Variants in CDH4 observed in about 807,000 individuals in gnomAD.
CDH4 encodes the protein cadherin-4.
A neutral mutation model predicts 86.0 loss-of-function variants in CDH4; 33 were observed. The ratio of observed to expected loss-of-function variants is 0.38; its 90% CI spans 0.29 to 0.51. CDH4 has a LOEUF of 0.51. CDH4 is among the 20% of genes least tolerant of loss of function. The pLI, the probability that CDH4 is intolerant of heterozygous loss-of-function variation, is 0.86. For missense variants in CDH4, 1,114 were observed against 1,307.4 expected (o/e 0.85, Z 2.28); for synonymous variants, 555 against 549.4 (o/e 1.01, Z -0.14).
chr20:61,486,682 G>GA (rs2085598381), intron 2 of CDH4, among the ~76,000 whole-genome samples: 1 of 152,020 alleles, frequency 6.6e-6, no homozygotes, highest in South Asian at 2.1e-4. Flanking sequence ...TTGAGTCTAG[G>GA]GGTTCGAGAC....
At chr20:61,468,828 G>T (rs1028199414) in intron 2 of CDH4, among the ~76,000 whole-genome samples, 1 of 152,080 alleles carries the variant, frequency 6.6e-6, no homozygotes, top group Non-Finnish European at 1.5e-5. Flanking sequence ...TCTGTGCCTG[G>T]TTTATTTCAC....
intron 4 of CDH4, among the ~76,000 whole-genome samples, chr20:61,790,017 T>C (rs1229104067): frequency 6.6e-6 from 1 of 152,150 alleles, no homozygotes; most frequent in Non-Finnish European, 1.5e-5. Flanking sequence ...GAACAGTATA[T>C]CCACAGTCTA....
chr20:61,872,823 C>T (rs903465390), intron 6 of CDH4, among the ~76,000 whole-genome samples: 8 of 152,242 alleles, frequency 5.3e-5, no homozygotes, highest in Non-Finnish European at 1.0e-4. Flanking sequence ...GCGGGGCCTC[C>T]ACCGGGTACA....
rs2087074717 is a variant in CDH4 at position 61,647,534 on chromosome 20, C to CT, written c.170-96029_170-96028insT. On this transcript the variant is annotated intron_variant, in intron 2 of 15. Coordinates refer to ENST00000614565, the MANE Select transcript of CDH4 (RefSeq NM_001794.5). Reference sequence around the variant, plus strand: ...AGTATGCACACACATATTCTCTCTCCCTCTCCCTCTCCCTCTCCCTCTCCC... The same window carrying CT: ...AGTATGCACACACATATTCTCTCTCCTCTCTCCCTCTCCCTCTCCCTCTCCC... Among the ~76,000 whole-genome samples, 4 of 76,808 alleles carry CT rather than the reference C, an allele frequency of 5.2e-5. 1 individual carries two copies. The highest frequency in any genetic ancestry group is 2.4e-4 in the African/African-American group (4 of 16,800). The allele number at this position is 76,808 out of a possible 152,430, so 50.4% of individuals were successfully genotyped here.
chr20:61,666,993 G>A (rs1442003341), intron 2 of CDH4, among the ~76,000 whole-genome samples: 3 of 152,244 alleles, frequency 2.0e-5, no homozygotes, highest in Non-Finnish European at 4.4e-5. Flanking sequence ...CCAGACGACT[G>A]CTCCCTGGCA....
intron 2 of CDH4, among the ~76,000 whole-genome samples, chr20:61,313,642 G>T (rs1419883212): frequency 6.6e-6 from 1 of 152,230 alleles, no homozygotes; most frequent in Non-Finnish European, 1.5e-5. Context: ...TCACAGTGCA[G>T]TGTTTTGGGG....
intron 3 of CDH4, 111 bp downstream of exon 3, chr20:61,743,900 C>T (rs544940750): frequency 2.4e-6 from 2 of 821,742 alleles, no homozygotes; most frequent in East Asian, 2.7e-5. Flanking sequence ...GTCACCTCCT[C>T]CTCGGGCTGT....
Position 61,424,331 on chromosome 20 carries a change from CAT to C in CDH4, c.169+169395_169+169396del, listed in dbSNP as rs570085540. ...TCCACACACATCCACATACAACACACATGTATCCAAACACACTCATATCCACA... is the reference window on the plus strand; with the variant it reads ...TCCACACACATCCACATACAACACACGTATCCAAACACACTCATATCCACA... On this transcript the variant is annotated intron_variant, in intron 2 of 15. Transcript: ENST00000614565. Among the ~76,000 whole-genome samples the C allele has an allele frequency of 1.4e-3, 206 of 151,516 alleles. 1 individual carries two copies. Among genetic ancestry groups the C allele is most frequent in the African/African-American group, 4.7e-3 (194 of 41,250 alleles).
intron 2 of CDH4, among the ~76,000 whole-genome samples, chr20:61,707,089 G>A (rs113119441): frequency 0.019 from 2,904 of 152,362 alleles, 76 homozygotes; most frequent in African/African-American, 0.065. Context: ...GGAAGCTGAG[G>A]CCAGTCCCTT....
At chr20:61,691,291 GTGTGTGTATGTATTTGTGTGGA>G (rs2087650503) in intron 2 of CDH4, among the ~76,000 whole-genome samples, 1 of 152,048 alleles carries the variant, frequency 6.6e-6, no homozygotes, top group African/African-American at 2.4e-5. Context: ...GTGTGCATAT[GTGTGTGTATGTATTTGTGTGGA>G]TGTGTGTGTG....
intron 2 of CDH4, among the ~76,000 whole-genome samples, chr20:61,479,957 G>A (rs7263229): frequency 5.3e-5 from 8 of 152,092 alleles, no homozygotes; most frequent in East Asian, 1.9e-4. Flanking sequence ...TTCTTCTGCA[G>A]TGTCCCATCT....
At chr20:61,337,510 A>G (rs1879091583) in intron 2 of CDH4, among the ~76,000 whole-genome samples, 1 of 151,902 alleles carries the variant, frequency 6.6e-6, no homozygotes, top group Admixed American at 6.6e-5. Context: ...AAAACGGATG[A>G]TGATGAAAGG....
intron 2 of CDH4, among the ~76,000 whole-genome samples, chr20:61,336,491 A>G (rs1021814581): frequency 6.6e-6 from 1 of 152,046 alleles, no homozygotes; most frequent in Non-Finnish European, 1.5e-5. Context: ...TCCTCAGCAC[A>G]ATACCTATTC....
At position 61,894,913 on chromosome 20, in the gene CDH4, G is replaced by T; in HGVS notation, c.1054G>T (p.Val352Phe). 1.2e-6 allele frequency: 2 copies of T among 1,612,104 alleles called. No homozygotes were observed. Among genetic ancestry groups the T allele is most frequent in the Non-Finnish European group, 8.5e-7 (1 of 1,179,326 alleles). Residue 352 changes from valine (V) to phenylalanine (F), a missense_variant, in exon 8 of 16, where the codon GTT becomes TTT. Transcript: ENST00000614565. ...TCAACTGGTGTCTCCCTTCCAGAAA[G>T]TTCAGCAGTACACAGTCATCGTTCA... ...TVAAGLDREK[V>F]QQYTVIVQAT...
intron 2 of CDH4, among the ~76,000 whole-genome samples, chr20:61,414,929 G>A (rs538228686): frequency 5.3e-5 from 8 of 152,302 alleles, no homozygotes; most frequent in African/African-American, 1.9e-4. Context: ...ATGCAGTGGG[G>A]GTGTGCCTCT....
rs1351174727 is a variant in CDH4, at chr20:61,774,811, T to C, written c.576+1629T>C. Among the ~76,000 whole-genome samples the C allele has an allele frequency of 5.9e-5, 9 of 152,250 alleles. 1 individual carries two copies. Among genetic ancestry groups the C allele is most frequent in the African/African-American group, 1.2e-4 (5 of 41,456 alleles). On this transcript the variant is annotated intron_variant, in intron 4 of 15. Coordinates refer to ENST00000614565, the MANE Select transcript of CDH4 (RefSeq NM_001794.5). ...TGTTCCCACTTTAGTTTGCTAAGGA[T>C]GATGGCTTCCACCTCCATCCATGTC...
chr20:61,788,643 C>T (rs191054631), intron 4 of CDH4, among the ~76,000 whole-genome samples: 1 of 152,314 alleles, frequency 6.6e-6, no homozygotes, highest in Non-Finnish European at 1.5e-5. Context: ...GAGGCCTGAC[C>T]ATGTTTCCGA....
intron 2 of CDH4, among the ~76,000 whole-genome samples, chr20:61,386,957 C>T (rs73310532): frequency 0.25 from 37,500 of 152,218 alleles, 5,007 homozygotes; most frequent in African/African-American, 0.34. Context: ...GATATGTAAG[C>T]TGCCCATGGG....
intron 2 of CDH4, among the ~76,000 whole-genome samples, chr20:61,310,314 G>T (rs553652772): frequency 6.6e-6 from 1 of 152,312 alleles, no homozygotes; most frequent in East Asian, 1.9e-4. Context: ...CACAAACCAG[G>T]TGGCTTCAAC....
Sources: gnomAD v4.1 joint callset for allele counts (sites outside exome capture counted in the v4.1 genomes callset) on GRCh38, gnomAD v4.1.1 for gene constraint, MANE v1.5 for transcripts, NCBI Gene and HGNC (gene_info 2026-07-23, HGNC 2026-07-21) for gene names.